Variants in UNC13C observed in about 807,000 individuals in gnomAD.
UNC13C encodes protein unc-13 homolog C.
In UNC13C, 174 loss-of-function variants were observed where a neutral mutation model predicts 245.4. That is an observed-to-expected ratio of 0.71 (90% CI 0.63 to 0.80). The LOEUF (loss-of-function observed/expected upper bound fraction) is 0.80. UNC13C is among the 30% of genes least tolerant of loss of function. The probability of loss-of-function intolerance (pLI) is 0.00; values close to 1 mark genes in which losing one functional copy is unlikely to be tolerated. For missense variants in UNC13C, 2,829 were observed against 2,602.9 expected (o/e 1.09, Z -1.89); for synonymous variants, 992 against 895.1 (o/e 1.11, Z -1.93).
At chr15:54,319,021 A>G (rs2038081706) in intron 13 of UNC13C, among the ~76,000 whole-genome samples, 1 of 151,900 alleles carries the variant, frequency 6.6e-6, no homozygotes, top group South Asian at 2.1e-4. Flanking sequence ...TGGCTGCTTT[A>G]TGAGAGCACC....
chr15:54,378,286 T>C lies in UNC13C; in HGVS notation c.4714-14762T>C, dbSNP rs890220671. Among the ~76,000 whole-genome samples, 4 of 152,172 alleles carry C rather than the reference T, an allele frequency of 2.6e-5. No homozygotes were observed. In the South Asian group the frequency reaches 8.3e-4, roughly 31 times the overall value. ...CATGTTACTCCAGAGTTTGTTATCT[T>C]TGTTCTAAGCACTACCAGTGCTTTT... On this transcript the variant is annotated intron_variant, in intron 17 of 32. Coordinates refer to ENST00000260323, the MANE Select transcript of UNC13C (RefSeq NM_001080534.3).
intron 17 of UNC13C, among the ~76,000 whole-genome samples, chr15:54,354,063 G>A (rs1311834156): frequency 6.6e-6 from 1 of 152,166 alleles, no homozygotes; most frequent in Non-Finnish European, 1.5e-5. Flanking sequence ...CTTAGGAAGA[G>A]ATGCAGCTTT....
chr15:54,318,061 A>G (rs1444787217), intron 13 of UNC13C, among the ~76,000 whole-genome samples: 2 of 151,828 alleles, frequency 1.3e-5, no homozygotes, highest in Admixed American at 1.3e-4. Flanking sequence ...AAATGGCAGG[A>G]TTTCCTTCTT....
rs1006208152 is a variant in UNC13C, at chr15:54,627,224, G to A, written c.*111G>A. Reference sequence around the variant, plus strand: ...CATTTCAATGTTTGCCAGTACTCATGTACGATGTCTACAAGGTATGTAAAA... The same window carrying A: ...CATTTCAATGTTTGCCAGTACTCATATACGATGTCTACAAGGTATGTAAAA... On this transcript the variant is annotated 3_prime_UTR_variant, in exon 33 of 33. Transcript: ENST00000260323. 5.9e-5 allele frequency: 66 copies of A among 1,123,952 alleles called. No individual in the cohort carries two copies. In the African/African-American group the frequency reaches 6.9e-4, roughly 12 times the overall value. 69.6% of individuals were successfully genotyped at this position (1,123,952 alleles called of 1,614,324 possible).
At chr15:53,942,973 T>C in the UNC13C span, among the ~76,000 whole-genome samples, 2 of 152,202 alleles carry the variant, frequency 1.3e-5, no homozygotes, top group Admixed American at 1.3e-4. Flanking sequence ...TATCCTGTAG[T>C]TTTTGCTTGA....
At position 54,046,384 on chromosome 15, in the gene UNC13C, T is replaced by C. The variant is rs537047603; in HGVS notation, c.2983+30498T>C. On this transcript the variant is annotated intron_variant, in intron 2 of 32. Coordinates refer to ENST00000260323, the MANE Select transcript of UNC13C (RefSeq NM_001080534.3). ...TATGAGTATGCTTGTTTTTCCAGAG[T>C]CTCATCAACAATGTATATTGTCAAA... Among the ~76,000 whole-genome samples the C allele has an allele frequency of 8.7e-4, 132 of 152,280 alleles. 3 individuals carry two copies. The highest frequency in any genetic ancestry group is 4.0e-4 in the Non-Finnish European group (27 of 68,006).
intron 17 of UNC13C, among the ~76,000 whole-genome samples, chr15:54,383,247 T>C (rs1474804177): frequency 6.6e-6 from 1 of 152,134 alleles, no homozygotes; most frequent in African/African-American, 2.4e-5. Context: ...AAAAAAGCTA[T>C]AGACCAATAT....
intron 28 of UNC13C, among the ~76,000 whole-genome samples, chr15:54,551,314 A>G (rs1566903747): frequency 6.6e-6 from 1 of 152,104 alleles, no homozygotes; most frequent in Non-Finnish European, 1.5e-5. Flanking sequence ...CAGTGCAAGG[A>G]ATCACAGCAA....
At chr15:54,089,643 G>T (rs1451471346) in intron 2 of UNC13C, among the ~76,000 whole-genome samples, 1 of 145,856 alleles carries the variant, frequency 6.9e-6, no homozygotes, top group Non-Finnish European at 1.5e-5. Context: ...AGCACTTATG[G>T]TTATTGCTTC....
At chr15:54,372,624 A>G (rs1288261784) in intron 17 of UNC13C, among the ~76,000 whole-genome samples, 2 of 152,310 alleles carry the variant, frequency 1.3e-5, no homozygotes, top group Non-Finnish European at 1.5e-5. Flanking sequence ...ATCATACTAA[A>G]TATGTTTTTC....
intron 10 of UNC13C, among the ~76,000 whole-genome samples, chr15:54,292,936 C>A (rs6493673): frequency 0.051 from 7,491 of 147,826 alleles, 426 homozygotes; most frequent in East Asian, 0.21. Flanking sequence ...AGATAGATAT[C>A]TATATCTATC....
intron 13 of UNC13C, among the ~76,000 whole-genome samples, chr15:54,300,596 G>C (rs2037553732): frequency 6.6e-6 from 1 of 152,080 alleles, no homozygotes; most frequent in Non-Finnish European, 1.5e-5. Context: ...CTCCAAGTGT[G>C]GTTCCTTGAC....
intron 4 of UNC13C, among the ~76,000 whole-genome samples, chr15:54,196,527 C>T (rs958451658): frequency 2.6e-5 from 4 of 151,938 alleles, no homozygotes; most frequent in South Asian, 2.1e-4. Context: ...AAGGACAGTA[C>T]GAAGCAGGAA....
rs1901237895 is a variant in UNC13C, at chr15:54,627,284, G to C, written c.*171G>C. 1.6e-6 allele frequency: 1 copy of C among 625,034 alleles called. No individual in the cohort carries two copies. Among genetic ancestry groups the C allele is most frequent in the Non-Finnish European group, 2.5e-6 (1 of 399,104 alleles). The allele number at this position is 625,034 out of a possible 1,614,324, so 38.7% of individuals were successfully genotyped here. On this transcript the variant is annotated 3_prime_UTR_variant, in exon 33 of 33. Coordinates refer to ENST00000260323, the MANE Select transcript of UNC13C (RefSeq NM_001080534.3). ...AACTTTTATACCAATTCTGGTCTTTGGGAAATCAGTGTTCCATGAAGTGCC... is the reference window on the plus strand; with the variant it reads ...AACTTTTATACCAATTCTGGTCTTTCGGAAATCAGTGTTCCATGAAGTGCC...
At chr15:54,106,863 G>A (rs1478670799) in intron 2 of UNC13C, among the ~76,000 whole-genome samples, 1 of 152,234 alleles carries the variant, frequency 6.6e-6, no homozygotes, top group Non-Finnish European at 1.5e-5. Flanking sequence ...AAGAAAAGAA[G>A]TGCTTTTCTT....
intron 4 of UNC13C, among the ~76,000 whole-genome samples, chr15:54,169,813 C>G (rs571646827): frequency 1.3e-5 from 2 of 152,186 alleles, no homozygotes; most frequent in African/African-American, 4.8e-5. Context: ...TTCCCTGGCT[C>G]TATAGTTTAT....
At chr15:54,242,948 T>C (rs1283549470) in intron 7 of UNC13C, among the ~76,000 whole-genome samples, 1 of 152,168 alleles carries the variant, frequency 6.6e-6, no homozygotes, top group Admixed American at 6.6e-5. Context: ...ACCTTTGTTT[T>C]ATAAAATCCG....
chr15:54,412,967 A>AT (rs1484009480), intron 18 of UNC13C, among the ~76,000 whole-genome samples: 1 of 152,080 alleles, frequency 6.6e-6, no homozygotes, highest in Non-Finnish European at 1.5e-5. Context: ...TTTCAGAGGG[A>AT]TTTTAAATCA....
At chr15:54,286,750 G>C (rs1019165207) in intron 10 of UNC13C, among the ~76,000 whole-genome samples, 5 of 152,162 alleles carry the variant, frequency 3.3e-5, no homozygotes, top group African/African-American at 1.2e-4. Flanking sequence ...CCAAATAAGT[G>C]ATTGGCTCTG....
Sources: allele counts gnomAD v4.1 joint callset (sites outside exome capture counted in the v4.1 genomes callset), GRCh38; gene constraint gnomAD v4.1.1; transcripts MANE v1.5; gene names NCBI Gene and HGNC (gene_info 2026-07-23, HGNC 2026-07-21).